Variants in FHOD3 observed in about 807,000 individuals in gnomAD.
FHOD3 encodes FH1/FH2 domain-containing protein 3.
FHOD3 carries 90 observed loss-of-function variants against 173.0 expected under a neutral mutation model. The ratio of observed to expected loss-of-function variants is 0.52; its 90% CI spans 0.44 to 0.62. The LOEUF (loss-of-function observed/expected upper bound fraction) is 0.62, where lower values mean the gene tolerates loss of function less well. FHOD3 is among the 20% of genes least tolerant of loss of function. The pLI, the probability that FHOD3 is intolerant of heterozygous loss-of-function variation, is 0.00. For synonymous variants in FHOD3, 828 were observed against 823.0 expected, an observed-to-expected ratio of 1.01 and a Z score of -0.10; for missense variants, 1,945 against 2,034.7, an observed-to-expected ratio of 0.96 and a Z score of 0.85.
intron 3 of FHOD3, among the ~76,000 whole-genome samples, chr18:36,453,992 TAA>T (rs1433370049): frequency 6.6e-6 from 1 of 152,166 alleles, no homozygotes; most frequent in Non-Finnish European, 1.5e-5. Flanking sequence ...ATATTTAAAA[TAA>T]AAAAATTATT....
At position 36,318,659 on chromosome 18, in the gene FHOD3, A is replaced by G. The variant is rs143323789; in HGVS notation, c.165+20659A>G. 8.3e-3 allele frequency among the ~76,000 whole-genome samples: 1,269 copies of G among 152,330 alleles called. 8 individuals carry two copies. Among genetic ancestry groups the G allele is most frequent in the Non-Finnish European group, 0.014 (970 of 68,020 alleles). On this transcript the variant is annotated intron_variant, in intron 1 of 28. Coordinates refer to ENST00000590592, the MANE Select transcript of FHOD3 (RefSeq NM_001281740.3). The stretch of plus-strand genomic sequence containing the variant: ...GATGGGATTTTCTAAATATACAATC[A>G]TGTCATCTGCAGAGACAGTTTGACT...
chr18:36,375,803 A>G (rs181150847), intron 3 of FHOD3, among the ~76,000 whole-genome samples: 27 of 152,226 alleles, frequency 1.8e-4, no homozygotes, highest in Admixed American at 8.5e-4. Flanking sequence ...CGGAGGTTGG[A>G]ATGAGATTTT....
At chr18:36,322,145 G>T (rs1478811036) in intron 1 of FHOD3, among the ~76,000 whole-genome samples, 1 of 152,208 alleles carries the variant, frequency 6.6e-6, no homozygotes, top group Non-Finnish European at 1.5e-5. Context: ...GGCGTCTTCT[G>T]TGATGGTGGG....
At chr18:36,512,668 C>A (rs1599453086) in intron 5 of FHOD3, 125 bp downstream of exon 5, 3 of 664,824 alleles carry the variant, frequency 4.5e-6, no homozygotes, top group East Asian at 2.8e-5. Context: ...GGTAAAGACA[C>A]CCTTTGGCAA....
At chr18:36,663,426 C>A (rs1450123357) in intron 14 of FHOD3, among the ~76,000 whole-genome samples, 1 of 152,214 alleles carries the variant, frequency 6.6e-6, no homozygotes, top group Non-Finnish European at 1.5e-5. Flanking sequence ...TCTCCTTCCT[C>A]CCAGTTTTTG....
chr18:36,708,307 A>G lies in FHOD3; in HGVS notation c.2237-788A>G, dbSNP rs750740974. ...GCAAATATAACCCAAGAAAAGGGTG[A>G]TGAACCTCACTGGTTCAGCCAACTG... On this transcript the variant is annotated intron_variant, in intron 17 of 28. Transcript: ENST00000590592. Among the ~76,000 whole-genome samples the G allele has an allele frequency of 4.6e-5, 7 of 152,354 alleles. No homozygotes were observed. The South Asian group carries it at 1.2e-3, about 27-fold the overall frequency.
chr18:36,495,667 T>C (rs745406914), intron 3 of FHOD3, among the ~76,000 whole-genome samples: 5 of 152,286 alleles, frequency 3.3e-5, no homozygotes, highest in Non-Finnish European at 5.9e-5. Context: ...ATACAGTATA[T>C]TGCATGTAGC....
chr18:36,765,488 A>G (rs1195262056), intron 27 of FHOD3, among the ~76,000 whole-genome samples: 1 of 152,254 alleles, frequency 6.6e-6, no homozygotes, highest in Non-Finnish European at 1.5e-5. Context: ...AAGAAGAAAA[A>G]TAGATAATAG....
intron 3 of FHOD3, among the ~76,000 whole-genome samples, chr18:36,438,126 A>G (rs1013266102): frequency 6.6e-6 from 1 of 152,180 alleles, no homozygotes; most frequent in African/African-American, 2.4e-5. Context: ...AAATTGCTCC[A>G]CAGAGAAAAC....
intron 1 of FHOD3, among the ~76,000 whole-genome samples, chr18:36,311,913 C>T (rs1568106883): frequency 6.6e-6 from 1 of 152,178 alleles, no homozygotes; most frequent in African/African-American, 2.4e-5. Flanking sequence ...GAGATCCTCC[C>T]ATTAGCATTT....
intron 27 of FHOD3, among the ~76,000 whole-genome samples, chr18:36,765,499 C>T (rs959551880): frequency 6.6e-6 from 1 of 152,104 alleles, no homozygotes; most frequent in African/African-American, 2.4e-5. Context: ...TAGATAATAG[C>T]AGCAGACCCA....
At chr18:36,637,492 G>A (rs192180748) in intron 10 of FHOD3, among the ~76,000 whole-genome samples, 23 of 152,216 alleles carry the variant, frequency 1.5e-4, no homozygotes, top group Admixed American at 4.6e-4. Flanking sequence ...TTGACCTCAC[G>A]TGACCCGCCT....
At chr18:36,719,619 A>G (rs1437546265) in intron 19 of FHOD3, among the ~76,000 whole-genome samples, 1 of 152,246 alleles carries the variant, frequency 6.6e-6, no homozygotes, top group African/African-American at 2.4e-5. Flanking sequence ...TAGAATAAAC[A>G]TGCAAGAGCT....
chr18:36,355,005 G>C (rs1310528281), intron 1 of FHOD3, among the ~76,000 whole-genome samples: 1 of 151,994 alleles, frequency 6.6e-6, no homozygotes, highest in African/African-American at 2.4e-5. Flanking sequence ...TTGTAATTTG[G>C]GTATATTGCC....
chr18:36,769,199 C>G (rs2150368923), intron 27 of FHOD3, 66 bp from the exon 28 acceptor site: 1 of 1,560,652 alleles, frequency 6.4e-7, no homozygotes, highest in Non-Finnish European at 8.7e-7. Context: ...TGGAGGAATA[C>G]TGCTGCATAT....
chr18:36,462,806 T>A (rs980392524), intron 3 of FHOD3, among the ~76,000 whole-genome samples: 4 of 152,198 alleles, frequency 2.6e-5, no homozygotes, highest in Non-Finnish European at 5.9e-5. Flanking sequence ...TAAATATATT[T>A]CATAGAGATG....
At chr18:36,563,512 A>G (rs930016375) in intron 5 of FHOD3, among the ~76,000 whole-genome samples, 2 of 152,222 alleles carry the variant, frequency 1.3e-5, no homozygotes, top group East Asian at 1.9e-4. Context: ...ACAGCCAACC[A>G]TCAGCCACGT....
intron 22 of FHOD3, 52 bp from the exon 23 acceptor site, chr18:36,743,980 A>G: frequency 6.2e-7 from 1 of 1,602,526 alleles, no homozygotes; most frequent in African/African-American, 1.3e-5. Flanking sequence ...ATCCTGTGCT[A>G]TTCTCTAAGA....
chr18:36,372,644 C>A, intron 2 of FHOD3, 36 bp from the exon 3 acceptor site: 2 of 1,601,904 alleles, frequency 1.2e-6, no homozygotes, highest in African/African-American at 2.7e-5. Context: ...TCTGCTGACT[C>A]CTCTGATGCC....
Sources: allele counts gnomAD v4.1 joint callset (sites outside exome capture counted in the v4.1 genomes callset), GRCh38; gene constraint gnomAD v4.1.1; transcripts MANE v1.5; gene names NCBI Gene and HGNC (gene_info 2026-07-23, HGNC 2026-07-21).